The following TMCC3 variants were observed in gnomAD, a reference collection of about 807,000 sequenced individuals.
TMCC3 encodes transmembrane and coiled-coil domain family 3, also known as transmembrane and coiled-coil domain protein 3.
Under a neutral mutation model 40.2 loss-of-function variants are expected in TMCC3, and 28 were observed. The ratio of observed to expected loss-of-function variants is 0.70; its 90% CI spans 0.52 to 0.95. The LOEUF (loss-of-function observed/expected upper bound fraction) is 0.95. Among genes scored for constraint, TMCC3 ranks in the 40% least tolerant of loss-of-function variants. The pLI, the probability that TMCC3 is intolerant of heterozygous loss-of-function variation, is 0.00. For synonymous variants in TMCC3, 255 were observed against 248.5 expected (o/e 1.03, Z -0.25); for missense variants, 554 against 615.2 (o/e 0.90, Z 1.05).
At position 94,571,636 on chromosome 12, in the gene TMCC3, C is replaced by T. The variant is rs376625652; in HGVS notation, c.1233G>A (p.Leu411=). The change falls in exon 4 of 4, where the codon CTG becomes CTA. Residue 411 remains leucine, a synonymous_variant. Coordinates refer to ENST00000261226, the MANE Select transcript of TMCC3 (RefSeq NM_020698.4). The stretch of plus-strand genomic sequence containing the variant: ...CCAGGATCACGTTGATGCACCTCCC[C>T]AGGAGAACTTTAGCATTCACGGTGT... ...QTDTVNAKVL[L]GRCINVILAF... The T allele has an allele frequency of 3.9e-5, 63 of 1,614,082 alleles. No homozygotes were observed. The highest frequency in any genetic ancestry group is 5.3e-5 in the Non-Finnish European group (62 of 1,180,048).
chr12:94,590,839 C>T (rs1431874082), intron 1 of TMCC3: 2 of 525,468 alleles, frequency 3.8e-6, no homozygotes, highest in Non-Finnish European at 7.4e-6. Flanking sequence ...CGATGTGCAC[C>T]CGCAACAAAC....
intron 1 of TMCC3, among the ~76,000 whole-genome samples, chr12:94,591,979 T>C (rs902701096): frequency 1.1e-4 from 16 of 152,186 alleles, no homozygotes; most frequent in Admixed American, 8.5e-4. Context: ...TATCTGTTAC[T>C]AGAAACATAT....
At chr12:94,625,810 G>A (rs1034116420) in intron 1 of TMCC3, among the ~76,000 whole-genome samples, 4 of 152,174 alleles carry the variant, frequency 2.6e-5, no homozygotes, top group African/African-American at 9.7e-5. Context: ...GAGCGATCTA[G>A]AGCACCAGTA....
rs202161910 is a variant in TMCC3 at position 94,581,729 on chromosome 12, C to T, written c.888G>A (p.Glu296=). The T allele has an allele frequency of 7.4e-6, 12 of 1,614,212 alleles. No homozygotes were observed. Among genetic ancestry groups the T allele is most frequent in the African/African-American group, 2.7e-5 (2 of 75,074 alleles). ...KLAVILEELR[E]IKDTQAQLAE... is the part of the protein sequence containing the mutation. ...CCAGCTGAGCTTGGGTATCCTTGAT[C>T]TCCCTCAGTTCCTCCAGGATCACGG... is the stretch of plus-strand genomic sequence containing the variant. The change falls in exon 2 of 4, where the codon GAG becomes GAA. Residue 296 remains glutamate, a synonymous_variant. Coordinates refer to ENST00000261226, the MANE Select transcript of TMCC3 (RefSeq NM_020698.4).
chr12:94,594,921 C>T (rs926479272), intron 1 of TMCC3, among the ~76,000 whole-genome samples: 1 of 152,174 alleles, frequency 6.6e-6, no homozygotes, highest in Admixed American at 6.5e-5. Context: ...CCAGCCTGAA[C>T]GAACTCTATC....
At chr12:94,639,423 A>C (rs1242660836) in intron 1 of TMCC3, among the ~76,000 whole-genome samples, 3 of 152,056 alleles carry the variant, frequency 2.0e-5, no homozygotes, top group Non-Finnish European at 4.4e-5. Context: ...CTCTACCAAA[A>C]ATACAAAAAA....
At chr12:94,619,520 T>C (rs2068864258) in intron 1 of TMCC3, among the ~76,000 whole-genome samples, 1 of 152,234 alleles carries the variant, frequency 6.6e-6, no homozygotes. Context: ...TTAGTAGACA[T>C]GGATAGCTGC....
At chr12:94,587,601 T>C in intron 1 of TMCC3, among the ~76,000 whole-genome samples, 1 of 152,210 alleles carries the variant, frequency 6.6e-6, no homozygotes, top group South Asian at 2.1e-4. Context: ...AAAATGTATG[T>C]AAAGTGTTCA....
At chr12:94,638,109 A>G (rs952463968) in intron 1 of TMCC3, among the ~76,000 whole-genome samples, 2 of 152,228 alleles carry the variant, frequency 1.3e-5, no homozygotes, top group South Asian at 4.1e-4. Context: ...CTTCTGTCCT[A>G]TTGAAGAATT....
chr12:94,589,445 T>C (rs1236821299), intron 1 of TMCC3, among the ~76,000 whole-genome samples: 1 of 151,186 alleles, frequency 6.6e-6, no homozygotes, highest in African/African-American at 2.4e-5. Flanking sequence ...AGAGAACTCA[T>C]TACACTGACC....
At chr12:94,591,387 C>A (rs1326749200) in intron 1 of TMCC3, among the ~76,000 whole-genome samples, 9 of 145,114 alleles carry the variant, frequency 6.2e-5, no homozygotes, top group African/African-American at 2.3e-4. Context: ...CTCTGTTATC[C>A]TTACAGACAA....
chr12:94,650,305 G>T (rs1373069707), intron 1 of TMCC3, 48 bp downstream of exon 1: 1 of 1,161,770 alleles, frequency 8.6e-7, no homozygotes, highest in Non-Finnish European at 1.1e-6. Flanking sequence ...AGCCCGCCTC[G>T]CCCCCGGGCC....
intron 1 of TMCC3, among the ~76,000 whole-genome samples, chr12:94,592,170 A>G (rs2068680377): frequency 6.6e-6 from 1 of 152,210 alleles, no homozygotes; most frequent in South Asian, 2.1e-4. Context: ...TGTTTAGACA[A>G]GGAACATTTC....
intron 1 of TMCC3, among the ~76,000 whole-genome samples, chr12:94,609,469 G>C (rs113660599): frequency 6.6e-6 from 1 of 152,102 alleles, no homozygotes; most frequent in South Asian, 2.1e-4. Context: ...GTAATCAGTG[G>C]TTACTCAGAA....
intron 1 of TMCC3, among the ~76,000 whole-genome samples, chr12:94,618,257 T>C (rs1480664837): frequency 6.6e-6 from 1 of 152,180 alleles, no homozygotes; most frequent in Non-Finnish European, 1.5e-5. Flanking sequence ...AGTCTGAAAA[T>C]ATCTTGGTCA....
chr12:94,590,353 T>G (rs2068666415), intron 1 of TMCC3, among the ~76,000 whole-genome samples: 1 of 150,922 alleles, frequency 6.6e-6, no homozygotes, highest in Non-Finnish European at 1.5e-5. Flanking sequence ...TGATCCACTT[T>G]GTTCCATATT....
At chr12:94,647,278 AG>A (rs1218583427) in intron 1 of TMCC3, among the ~76,000 whole-genome samples, 3 of 152,162 alleles carry the variant, frequency 2.0e-5, no homozygotes, top group Non-Finnish European at 4.4e-5. Context: ...ATTTTCACTA[AG>A]GGGGGAGGGG....
intron 1 of TMCC3, among the ~76,000 whole-genome samples, chr12:94,595,044 C>G (rs1419468761): frequency 6.6e-6 from 1 of 152,136 alleles, no homozygotes; most frequent in Non-Finnish European, 1.5e-5. Context: ...GCAGTGTTAT[C>G]TATCAGATAA....
intron 1 of TMCC3, among the ~76,000 whole-genome samples, chr12:94,647,012 T>C (rs2069023379): frequency 6.6e-6 from 1 of 152,052 alleles, no homozygotes; most frequent in South Asian, 2.1e-4. Context: ...GAAAACCTAA[T>C]TCACACATCA....
Sources: gnomAD v4.1 joint callset for allele counts (sites outside exome capture counted in the v4.1 genomes callset) on GRCh38, gnomAD v4.1.1 for gene constraint, MANE v1.5 for transcripts, NCBI Gene and HGNC (gene_info 2026-07-23, HGNC 2026-07-21) for gene names.